The following TDRD7 variants were observed in gnomAD, a reference collection of about 807,000 sequenced individuals.
TDRD7 encodes the protein tudor domain-containing protein 7.
Under a neutral mutation model 109.8 loss-of-function variants are expected in TDRD7, and 47 were observed. The ratio of observed to expected loss-of-function variants is 0.43; its 90% CI spans 0.34 to 0.55. TDRD7 has a LOEUF of 0.55. Among genes scored for constraint, TDRD7 ranks in the 20% least tolerant of loss-of-function variants. TDRD7 has a pLI of 0.03. For synonymous variants in TDRD7, 424 were observed against 457.3 expected (o/e 0.93, Z 0.93); for missense variants, 1,164 against 1,319.2 (o/e 0.88, Z 1.82).
At chr9:97,462,864 C>T (rs1264033271) in intron 7 of TDRD7, among the ~76,000 whole-genome samples, 2 of 152,222 alleles carry the variant, frequency 1.3e-5, no homozygotes, top group African/African-American at 4.8e-5. Flanking sequence ...GCCTGCAGAT[C>T]CCAAGCCATT....
At chr9:97,457,697 A>G (rs1828642907) in intron 6 of TDRD7, among the ~76,000 whole-genome samples, 1 of 152,156 alleles carries the variant, frequency 6.6e-6, no homozygotes, top group African/African-American at 2.4e-5. Flanking sequence ...TGTTTATTGC[A>G]GTGCTATTTA....
chr9:97,432,723 G>A lies in TDRD7; in HGVS notation c.563+485G>A, dbSNP rs189970677. Among the ~76,000 whole-genome samples, 37 of 152,238 alleles carry A rather than the reference G, an allele frequency of 2.4e-4. No individual in the cohort carries two copies. In the East Asian group the frequency reaches 4.6e-3, roughly 19 times the overall value. On this transcript the variant is annotated intron_variant, in intron 4 of 16. Coordinates refer to ENST00000355295, the MANE Select transcript of TDRD7 (RefSeq NM_014290.3). Reference sequence around the variant, plus strand: ...GCCATTCACTAGTCAGGTAAATTAAGTTGTTTCATCTTTTGGGTCTGTGGT... The same window carrying A: ...GCCATTCACTAGTCAGGTAAATTAAATTGTTTCATCTTTTGGGTCTGTGGT...
intron 12 of TDRD7, among the ~76,000 whole-genome samples, chr9:97,476,890 A>T (rs950771892): frequency 3.9e-5 from 6 of 152,204 alleles, no homozygotes; most frequent in African/African-American, 1.4e-4. Flanking sequence ...TTTAAATAAA[A>T]CTTGGTCATG....
At chr9:97,436,745 T>A (rs1443806841) in intron 4 of TDRD7, among the ~76,000 whole-genome samples, 1 of 152,164 alleles carries the variant, frequency 6.6e-6, no homozygotes, top group Admixed American at 6.6e-5. Flanking sequence ...TATTTTATAG[T>A]GTGAGAGTTG....
chr9:97,460,957 T>C (rs960940685), intron 7 of TDRD7, among the ~76,000 whole-genome samples, 193 bp downstream of exon 7: 28 of 151,980 alleles, frequency 1.8e-4, no homozygotes, highest in Admixed American at 1.8e-3. Context: ...CTGGCTAACA[T>C]GGCGAAACCC....
Position 97,428,581 on chromosome 9 carries a change from T to A in TDRD7, c.116T>A (p.Ile39Asn), listed in dbSNP as rs763805432. The stretch of plus-strand genomic sequence containing the variant: ...TACAGATCCTTGACTGGAGACTGGA[T>A]CCCCTTCAAACAGCTAGGTTTCCCT... ...GEYRSLTGDWIPFKQLGFPTL... is the reference protein window; with the variant it reads ...GEYRSLTGDWNPFKQLGFPTL... The change falls in exon 2 of 17, where the codon ATC (isoleucine) becomes AAC (asparagine). Residue 39 changes from isoleucine to asparagine, a missense_variant. Ile to Asn is a moderately radical substitution (Grantham distance 149). Around this residue, in one of 5 missense-constraint regions of TDRD7, gnomAD observed 101 missense variants for 148.5 expected, o/e 0.68. Transcript: ENST00000355295. 1 of 1,613,948 alleles carries A rather than the reference T, an allele frequency of 6.2e-7. No individual in the cohort carries two copies. Among genetic ancestry groups the A allele is most frequent in the Admixed American group, 1.7e-5 (1 of 59,996 alleles).
intron 11 of TDRD7, among the ~76,000 whole-genome samples, chr9:97,474,874 G>GACTT (rs1202732639): frequency 5.9e-5 from 9 of 152,172 alleles, no homozygotes; most frequent in African/African-American, 2.2e-4. Flanking sequence ...AAGATGAGGA[G>GACTT]ACTTCATCTT....
intron 1 of TDRD7, among the ~76,000 whole-genome samples, chr9:97,422,532 C>T (rs536554056): frequency 6.6e-6 from 1 of 152,308 alleles, no homozygotes; most frequent in Non-Finnish European, 1.5e-5. Flanking sequence ...TTGAAATCAG[C>T]CTTATTGCAC....
intron 2 of TDRD7, 37 bp downstream of exon 2, chr9:97,428,709 C>A (rs753624696): frequency 5.7e-6 from 9 of 1,590,048 alleles, no homozygotes; most frequent in Non-Finnish European, 6.9e-6. Context: ...AGAATCAAAC[C>A]AATTCATAAT....
At position 97,460,388 on chromosome 9, in the gene TDRD7, C is replaced by T. The variant is rs746318646; in HGVS notation, c.1066C>T (p.Leu356Phe). Residue 356 changes from leucine to phenylalanine, a missense_variant, in exon 7 of 17, where the codon CTT (leucine) becomes TTT (phenylalanine). Leu to Phe is a conservative substitution (Grantham distance 22). This residue lies in a region of TDRD7 where 407 missense variants were observed against 394.0 expected (regional missense o/e 1.03). Transcript: ENST00000355295. ...ADLLVKYTSG[L>F]WASALPKAFE... ...CCTGCTGGTGAAATACACAAGTGGCCTTTGGGCCAGTGCACTTCCGAAAGC... is the reference window on the plus strand; with the variant it reads ...CCTGCTGGTGAAATACACAAGTGGCTTTTGGGCCAGTGCACTTCCGAAAGC... The T allele has an allele frequency of 5.6e-6, 9 of 1,614,058 alleles. No homozygotes were observed. Among genetic ancestry groups the T allele is most frequent in the Admixed American group, 1.7e-5 (1 of 60,006 alleles).
Position 97,460,307 on chromosome 9 carries a change from C to A in TDRD7, c.985C>A (p.Pro329Thr), listed in dbSNP as rs768409743. The A allele has an allele frequency of 6.2e-7, 1 of 1,614,168 alleles. No individual in the cohort carries two copies. The change falls in exon 7 of 17, where the codon CCG becomes ACG. Residue 329 changes from proline (P) to threonine (T), a missense_variant. By Grantham distance (38) the Pro-to-Thr change is conservative. Transcript: ENST00000355295. Reference protein sequence around the residue: ...SPLPGPKQTPPLKGCPTVMAG... With the variant: ...SPLPGPKQTPTLKGCPTVMAG... ...ACTACCTGGTCCCAAACAAACACCACCGTTGAAAGGGTGTCCAACAGTTAT... is the reference window on the plus strand; with the variant it reads ...ACTACCTGGTCCCAAACAAACACCAACGTTGAAAGGGTGTCCAACAGTTAT...
chr9:97,495,558 G>A lies in TDRD7; in HGVS notation c.3077-105G>A, dbSNP rs1341498605. 3.6e-6 allele frequency: 4 copies of A among 1,116,444 alleles called. No homozygotes were observed. In the East Asian group the frequency reaches 9.4e-5, roughly 26 times the overall value. 69.2% of individuals were successfully genotyped at this position (1,116,444 alleles called of 1,614,324 possible). ...AGTTCAGGCAAGTCTAACCTGGGATGCTTAAGTTACTTTGGAATTGACTAA... is the reference window on the plus strand; with the variant it reads ...AGTTCAGGCAAGTCTAACCTGGGATACTTAAGTTACTTTGGAATTGACTAA... On this transcript the variant is annotated intron_variant, in intron 16 of 16. Coordinates refer to ENST00000355295, the MANE Select transcript of TDRD7 (RefSeq NM_014290.3).
chr9:97,484,098 G>A (rs1315407260), intron 15 of TDRD7, among the ~76,000 whole-genome samples: 1 of 152,112 alleles, frequency 6.6e-6, no homozygotes, highest in African/African-American at 2.4e-5. Context: ...TTGGAAGATG[G>A]CAAGACTCTT....
intron 2 of TDRD7, among the ~76,000 whole-genome samples, chr9:97,429,308 G>A (rs542268833): frequency 5.9e-5 from 9 of 152,178 alleles, no homozygotes; most frequent in African/African-American, 9.6e-5. Context: ...CTTCCACTGC[G>A]ACCTAGCAGC....
chr9:97,476,688 G>A (rs975379658), intron 12 of TDRD7, among the ~76,000 whole-genome samples: 1 of 151,676 alleles, frequency 6.6e-6, no homozygotes, highest in African/African-American at 2.4e-5. Flanking sequence ...TTTCAGGGGG[G>A]TCCCTCAACC....
chr9:97,483,893 C>A (rs1319983684), intron 15 of TDRD7, among the ~76,000 whole-genome samples: 3 of 152,052 alleles, frequency 2.0e-5, no homozygotes, highest in African/African-American at 7.3e-5. Flanking sequence ...CTTCAGGAAC[C>A]TTTATAATGG....
At chr9:97,439,796 A>G (rs1015276830) in intron 5 of TDRD7, among the ~76,000 whole-genome samples, 1 of 152,248 alleles carries the variant, frequency 6.6e-6, no homozygotes, top group African/African-American at 2.4e-5. Flanking sequence ...AATATAAATA[A>G]TTCTTTGGGT....
chr9:97,416,006 C>A (rs928792041), intron 1 of TDRD7, among the ~76,000 whole-genome samples: 2 of 152,052 alleles, frequency 1.3e-5, no homozygotes. Flanking sequence ...CTTTTTCGTT[C>A]ACTGCCTGAA....
rs780579998 is a variant in TDRD7, at chr9:97,460,538, C to T, written c.1216C>T (p.Leu406Phe). ...CCAGAAGGCCATTCTCTATGCTAAA[C>T]TTCCATTGCCCACTGACAAAATCCA... ...NPQKAILYAK[L>F]PLPTDKIQKD... Residue 406 changes from leucine (L) to phenylalanine (F), a missense_variant, in exon 7 of 17, where the codon CTT (leucine) becomes TTT (phenylalanine). Transcript: ENST00000355295. 1.9e-6 allele frequency: 3 copies of T among 1,614,098 alleles called. No individual in the cohort carries two copies. Among genetic ancestry groups the T allele is most frequent in the African/African-American group, 2.7e-5 (2 of 74,936 alleles).
Sources: gnomAD v4.1 joint callset for allele counts (sites outside exome capture counted in the v4.1 genomes callset) on GRCh38, gnomAD v4.1.1 for gene constraint, gnomAD v4.1.1 regional missense constraint, MANE v1.5 for transcripts, NCBI Gene and HGNC (gene_info 2026-07-23, HGNC 2026-07-21) for gene names.